SCAMP1: variants seen among roughly 807,000 people sequenced by gnomAD.
SCAMP1 encodes secretory carrier-associated membrane protein 1.
A neutral mutation model predicts 41.8 loss-of-function variants in SCAMP1; 15 were observed. That is an observed-to-expected ratio of 0.36 (90% CI 0.24 to 0.55). The LOEUF (loss-of-function observed/expected upper bound fraction) is 0.55. Ranked by LOEUF, SCAMP1 falls within the 20% of genes least tolerant of loss-of-function variation. The pLI is 0.86. For missense variants in SCAMP1, 341 were observed against 412.6 expected, an observed-to-expected ratio of 0.83 and a Z score of 1.50; for synonymous variants, 135 against 136.8, an observed-to-expected ratio of 0.99 and a Z score of 0.09.
At chr5:78,413,499 C>G (rs2112132649) in intron 2 of SCAMP1, among the ~76,000 whole-genome samples, 1 of 150,528 alleles carries the variant, frequency 6.6e-6, no homozygotes, top group South Asian at 2.1e-4. Flanking sequence ...CTCACTGCAA[C>G]CTCTGCCTCC....
intron 1 of SCAMP1, among the ~76,000 whole-genome samples, chr5:78,381,235 T>A (rs565505676): frequency 6.6e-6 from 1 of 152,094 alleles, no homozygotes; most frequent in Non-Finnish European, 1.5e-5. Context: ...AGGGAAGGTA[T>A]CAGAAAGATC....
intron 1 of SCAMP1, among the ~76,000 whole-genome samples, chr5:78,382,712 A>G (rs754729566): frequency 2.0e-5 from 3 of 151,344 alleles, no homozygotes; most frequent in South Asian, 2.1e-4. Flanking sequence ...AATATCTCCA[A>G]TTCCATCCAG....
chr5:78,458,091 C>G (rs1017167039), intron 7 of SCAMP1: 7 of 154,394 alleles, frequency 4.5e-5, no homozygotes, highest in African/African-American at 1.7e-4. Context: ...GTCTGGCACT[C>G]CCTAGTGAGA....
chr5:78,475,646 C>G lies in SCAMP1; in HGVS notation c.995C>G (p.Ala332Gly). The change falls in exon 9 of 9, where the codon GCT (alanine) becomes GGT (glycine). Residue 332 changes from alanine to glycine, a missense_variant. Ala to Gly is a moderately conservative substitution (Grantham distance 60). Coordinates refer to ENST00000621999, the MANE Select transcript of SCAMP1 (RefSeq NM_004866.6). ...STAASSAAQN[A>G]FKGNQI ...GCAGCATCTAGTGCAGCTCAGAATG[C>G]TTTCAAGGGTAACCAGATTTAAGAA... 1.3e-6 allele frequency: 2 copies of G among 1,572,054 alleles called. No homozygotes were observed. The highest frequency in any genetic ancestry group is 1.7e-6 in the Non-Finnish European group (2 of 1,161,142).
intron 6 of SCAMP1, among the ~76,000 whole-genome samples, chr5:78,431,113 A>C (rs1752609645): frequency 6.6e-6 from 1 of 152,038 alleles, no homozygotes. Context: ...ATTGTATAAC[A>C]GATTGAGTGC....
chr5:78,368,113 A>G (rs1017033784), intron 1 of SCAMP1, among the ~76,000 whole-genome samples: 1 of 152,132 alleles, frequency 6.6e-6, no homozygotes, highest in Non-Finnish European at 1.5e-5. Context: ...GTTTCTTTTT[A>G]ATCTTACCAG....
intron 2 of SCAMP1, among the ~76,000 whole-genome samples, chr5:78,412,707 A>G (rs552803794): frequency 1.3e-5 from 2 of 152,074 alleles, no homozygotes; most frequent in East Asian, 3.9e-4. Context: ...ACCTCTTTCT[A>G]TTGCTTGTTC....
rs377092452 is a variant in SCAMP1 at position 78,457,847 on chromosome 5, C to T, written c.735-1398C>T. On this transcript the variant is annotated intron_variant, in intron 7 of 8. Transcript: ENST00000621999. The stretch of plus-strand genomic sequence containing the variant: ...CTAGCAATCAGCGAGACTCCGTGGG[C>T]GTAGGACCCTCCGAGCCAGGTGCAG... 8.3e-4 allele frequency: 132 copies of T among 158,122 alleles called. 2 individuals are homozygous for T. The South Asian group carries it at 9.2e-3, about 11-fold the overall frequency. 9.8% of individuals were successfully genotyped at this position (158,122 alleles called of 1,614,324 possible). A position where few individuals can be genotyped will look rare whatever the true frequency, so the allele number is the denominator to read the frequency against.
Position 78,360,665 on chromosome 5 carries a change from C to A in SCAMP1, c.-7C>A. On this transcript the variant is annotated 5_prime_UTR_variant, in exon 1 of 9. Coordinates refer to ENST00000621999, the MANE Select transcript of SCAMP1 (RefSeq NM_004866.6). ...GGGTCGGGTGGGTGACGCCGAGAGCCAGAGAGATGTCGGATTTCGACAGTA... is the reference window on the plus strand; with the variant it reads ...GGGTCGGGTGGGTGACGCCGAGAGCAAGAGAGATGTCGGATTTCGACAGTA... 3.1e-6 allele frequency: 5 copies of A among 1,608,632 alleles called. No homozygotes were observed. Among genetic ancestry groups the A allele is most frequent in the Non-Finnish European group, 4.2e-6 (5 of 1,177,828 alleles).
intron 6 of SCAMP1, among the ~76,000 whole-genome samples, chr5:78,439,948 T>G (rs554882346): frequency 1.3e-5 from 2 of 152,172 alleles, no homozygotes; most frequent in South Asian, 2.1e-4. Flanking sequence ...CTTCATTTCA[T>G]TCATTTGATC....
intron 2 of SCAMP1, among the ~76,000 whole-genome samples, chr5:78,410,189 A>G (rs1414461179): frequency 6.6e-6 from 1 of 151,766 alleles, no homozygotes; most frequent in African/African-American, 2.4e-5. Flanking sequence ...TACATAGGCA[A>G]ACGTGTGCCA....
At chr5:78,408,997 C>T (rs894322917) in intron 2 of SCAMP1, among the ~76,000 whole-genome samples, 2 of 152,136 alleles carry the variant, frequency 1.3e-5, no homozygotes, top group African/African-American at 4.8e-5. Context: ...GTATTCCCAT[C>T]ATTTATTTTT....
intron 2 of SCAMP1, among the ~76,000 whole-genome samples, chr5:78,398,969 T>C (rs904955787): frequency 2.0e-5 from 3 of 152,220 alleles, no homozygotes; most frequent in Non-Finnish European, 4.4e-5. Context: ...GCTGTACTTA[T>C]TCATCTCTTT....
At chr5:78,360,994 G>A (rs2112026115) in intron 1 of SCAMP1, 1 of 443,120 alleles carries the variant, frequency 2.3e-6, no homozygotes, top group Non-Finnish European at 4.1e-6. Context: ...TCTGCAGCCG[G>A]GACTGGGCCC....
chr5:78,363,794 A>G lies in SCAMP1; in HGVS notation c.57+3066A>G, dbSNP rs142219733. 1.2e-3 allele frequency among the ~76,000 whole-genome samples: 178 copies of G among 151,870 alleles called. 3 individuals carry two copies. Among genetic ancestry groups the G allele is most frequent in the Non-Finnish European group, 6.0e-4 (41 of 67,948 alleles). ...TGATTTTATTGGTTCTTGTAAGGCT[A>G]TTTGCTGGATTCAGTTCATTTTTTT... On this transcript the variant is annotated intron_variant, in intron 1 of 8. Transcript: ENST00000621999.
chr5:78,394,949 T>G (rs1255406116), intron 2 of SCAMP1, among the ~76,000 whole-genome samples: 1 of 152,198 alleles, frequency 6.6e-6, no homozygotes, highest in Non-Finnish European at 1.5e-5. Context: ...CTGTCCTAAG[T>G]CAGGCACTCA....
intron 1 of SCAMP1, among the ~76,000 whole-genome samples, chr5:78,373,519 T>C (rs1750995201): frequency 6.6e-6 from 1 of 152,148 alleles, no homozygotes; most frequent in Admixed American, 6.6e-5. Flanking sequence ...TTTAAATCTT[T>C]CTTAAGGATT....
intron 7 of SCAMP1, among the ~76,000 whole-genome samples, chr5:78,450,333 G>T (rs1753189043): frequency 6.6e-6 from 1 of 152,008 alleles, no homozygotes; most frequent in East Asian, 1.9e-4. Context: ...AGAGATAGAG[G>T]GACCAAGGAA....
At chr5:78,475,120 C>G (rs773068274) in intron 8 of SCAMP1, among the ~76,000 whole-genome samples, 1 of 152,118 alleles carries the variant, frequency 6.6e-6, no homozygotes, top group Non-Finnish European at 1.5e-5. Flanking sequence ...GTACTGTTCT[C>G]TCTGAATAGT....
Sources: gnomAD v4.1 joint callset for allele counts (sites outside exome capture counted in the v4.1 genomes callset) on GRCh38, gnomAD v4.1.1 for gene constraint, MANE v1.5 for transcripts, NCBI Gene and HGNC (gene_info 2026-07-23, HGNC 2026-07-21) for gene names.